Variants in CPNE4 observed in about 807,000 individuals in gnomAD.
CPNE4 encodes copine-4.
In CPNE4, 25 loss-of-function variants were observed where a neutral mutation model predicts 67.9. The ratio of observed to expected loss-of-function variants is 0.37; its 90% confidence interval spans 0.27 to 0.51. The LOEUF (loss-of-function observed/expected upper bound fraction) is 0.51. Among genes scored for constraint, CPNE4 ranks in the 20% least tolerant of loss-of-function variants. CPNE4 has a pLI of 0.93. For missense variants in CPNE4, 464 were observed against 690.8 expected (o/e 0.67, Z 3.68); for synonymous variants, 242 against 244.9 (o/e 0.99, Z 0.11).
intron 1 of CPNE4, among the ~76,000 whole-genome samples, chr3:131,989,010 A>C (rs1278391561): frequency 6.6e-6 from 1 of 152,242 alleles, no homozygotes; most frequent in South Asian, 2.1e-4. Flanking sequence ...TGACTATGTT[A>C]TATAGAGATA....
chr3:131,792,655 ACACACGTG>A lies in CPNE4; in HGVS notation c.181-69038_181-69031del, dbSNP rs1560321860. Among the ~76,000 whole-genome samples, 206 of 66,182 alleles carry A rather than the reference ACACACGTG, an allele frequency of 3.1e-3. 6 individuals are homozygous for A. The highest frequency in any genetic ancestry group is 9.9e-3 in the African/African-American group (158 of 15,934). The allele number at this position is 66,182 out of a possible 152,430, so 43.4% of individuals were successfully genotyped here. A position where few individuals can be genotyped will look rare whatever the true frequency, so the allele number is the denominator to read the frequency against. The stretch of plus-strand genomic sequence containing the variant: ...TACACACGTGTATATATGTATATAT[ACACACGTG>A]TATATATACATATATACACACGTGT... On this transcript the variant is annotated intron_variant, in intron 2 of 15. Transcript: ENST00000429747.
At chr3:131,654,249 G>GT (rs1002475043) in intron 7 of CPNE4, among the ~76,000 whole-genome samples, 2 of 151,324 alleles carry the variant, frequency 1.3e-5, no homozygotes, top group African/African-American at 2.4e-5. Context: ...CTCATCTATT[G>GT]TTTTTTTTAA....
intron 7 of CPNE4, among the ~76,000 whole-genome samples, chr3:131,607,525 TG>T (rs1939577677): frequency 6.6e-6 from 1 of 152,204 alleles, no homozygotes; most frequent in Non-Finnish European, 1.5e-5. Flanking sequence ...AAATTTCTTC[TG>T]GCTATCATAA....
At chr3:131,607,461 G>A (rs970874885) in intron 7 of CPNE4, among the ~76,000 whole-genome samples, 1 of 152,072 alleles carries the variant, frequency 6.6e-6, no homozygotes, top group African/African-American at 2.4e-5. Flanking sequence ...CTTTTAAAGT[G>A]GTCTCATCTA....
chr3:131,617,696 A>G (rs950419675), intron 7 of CPNE4, among the ~76,000 whole-genome samples: 3 of 152,092 alleles, frequency 2.0e-5, no homozygotes, highest in African/African-American at 7.2e-5. Flanking sequence ...TCTGCACAAC[A>G]TGTTGCTATT....
intron 7 of CPNE4, among the ~76,000 whole-genome samples, chr3:131,625,799 T>C (rs1312229568): frequency 6.6e-6 from 1 of 152,228 alleles, no homozygotes; most frequent in Non-Finnish European, 1.5e-5. Flanking sequence ...TTTATTTTGC[T>C]TCTCAGATAT....
intron 12 of CPNE4, among the ~76,000 whole-genome samples, chr3:131,554,030 AC>A (rs1206418687): frequency 6.6e-6 from 1 of 152,096 alleles, no homozygotes; most frequent in Non-Finnish European, 1.5e-5. Flanking sequence ...CAGGAAGGGA[AC>A]CAAAAAGATG....
rs145955549 is a variant in CPNE4 at position 131,934,127 on chromosome 3, T to A, written c.-1-28683A>T. Among the ~76,000 whole-genome samples the A allele has an allele frequency of 2.5e-3, 374 of 152,286 alleles. 2 individuals are homozygous for A. The highest frequency in any genetic ancestry group is 8.5e-3 in the African/African-American group (352 of 41,574). ...GGGTACAGAGATGGAAATCAAGAGTTCTGTTTTGATAGAACTATGTTAAAT... is the reference window on the plus strand; with the variant it reads ...GGGTACAGAGATGGAAATCAAGAGTACTGTTTTGATAGAACTATGTTAAAT... On this transcript the variant is annotated intron_variant, in intron 1 of 15. Coordinates refer to ENST00000429747, the MANE Select transcript of CPNE4 (RefSeq NM_130808.3).
intron 7 of CPNE4, among the ~76,000 whole-genome samples, chr3:131,651,259 G>T (rs2079809325): frequency 6.6e-6 from 1 of 151,986 alleles, no homozygotes; most frequent in Non-Finnish European, 1.5e-5. Context: ...AACACTATGG[G>T]GCTCTCTGAG....
intron 2 of CPNE4, among the ~76,000 whole-genome samples, chr3:131,782,105 CTTTG>C (rs1390568066): frequency 6.6e-6 from 1 of 152,060 alleles, no homozygotes; most frequent in African/African-American, 2.4e-5. Flanking sequence ...TTCTGCCTTT[CTTTG>C]TTTCTTCCAT....
intron 6 of CPNE4, among the ~76,000 whole-genome samples, chr3:131,678,323 A>G (rs1484343218): frequency 1.3e-5 from 2 of 152,180 alleles, no homozygotes; most frequent in African/African-American, 4.8e-5. Flanking sequence ...TATTAGCTTA[A>G]GAAGCTTTCG....
At chr3:131,921,246 A>G (rs1414203563) in intron 1 of CPNE4, among the ~76,000 whole-genome samples, 1 of 152,234 alleles carries the variant, frequency 6.6e-6, no homozygotes, top group Non-Finnish European at 1.5e-5. Context: ...TTTAACTCTC[A>G]GGTCTCTCAG....
chr3:131,568,311 T>A (rs1183228528), intron 10 of CPNE4, among the ~76,000 whole-genome samples: 1 of 151,874 alleles, frequency 6.6e-6, no homozygotes, highest in Non-Finnish European at 1.5e-5. Context: ...CTCTTTAAAG[T>A]TAGCATTAGT....
At chr3:131,828,513 A>G (rs2085252816) in intron 2 of CPNE4, among the ~76,000 whole-genome samples, 1 of 152,182 alleles carries the variant, frequency 6.6e-6, no homozygotes, top group African/African-American at 2.4e-5. Flanking sequence ...TGAATATACC[A>G]CCATTTGTCC....
At chr3:131,866,250 G>A (rs1405663853) in intron 2 of CPNE4, among the ~76,000 whole-genome samples, 1 of 152,026 alleles carries the variant, frequency 6.6e-6, no homozygotes, top group Non-Finnish European at 1.5e-5. Context: ...CTCCACAACA[G>A]TGATGCAAAC....
intron 7 of CPNE4, among the ~76,000 whole-genome samples, chr3:131,598,577 A>C (rs1206405451): frequency 6.6e-6 from 1 of 152,190 alleles, no homozygotes; most frequent in Non-Finnish European, 1.5e-5. Context: ...AATACAATAA[A>C]GCAACTGAAG....
intron 1 of CPNE4, among the ~76,000 whole-genome samples, chr3:132,016,630 T>C (rs867290185): frequency 1.5e-4 from 23 of 152,210 alleles, no homozygotes; most frequent in Non-Finnish European, 1.3e-4. Context: ...TAAAGACCAC[T>C]GCACTTTTAC....
At chr3:131,751,805 C>T (rs2082635817) in intron 2 of CPNE4, among the ~76,000 whole-genome samples, 1 of 150,332 alleles carries the variant, frequency 6.7e-6, no homozygotes, top group Non-Finnish European at 1.5e-5. Flanking sequence ...GTTTTTTCGA[C>T]ACTGCTTTTG....
chr3:131,666,391 A>C (rs377392353), intron 7 of CPNE4, among the ~76,000 whole-genome samples: 2 of 152,176 alleles, frequency 1.3e-5, no homozygotes, highest in Non-Finnish European at 2.9e-5. Context: ...TTTGAGAGAC[A>C]TTAAAATATG....
Sources: gnomAD v4.1 joint callset for allele counts (sites outside exome capture counted in the v4.1 genomes callset) on GRCh38, gnomAD v4.1.1 for gene constraint, MANE v1.5 for transcripts, NCBI Gene and HGNC (gene_info 2026-07-23, HGNC 2026-07-21) for gene names.